Variants in STMN4 observed in about 807,000 individuals in gnomAD.
STMN4 encodes the protein stathmin-4.
A neutral mutation model predicts 29.1 loss-of-function variants in STMN4; 12 were observed. The observed-to-expected ratio is 0.41, with a 90% CI of 0.26 to 0.67. The LOEUF is 0.67. STMN4 is among the 30% of genes least tolerant of loss of function. The probability of loss-of-function intolerance (pLI) is 0.30; values close to 1 mark genes in which losing one functional copy is unlikely to be tolerated. For synonymous variants in STMN4, 114 were observed against 105.3 expected (o/e 1.08, Z -0.51); for missense variants, 181 against 262.8 (o/e 0.69, Z 2.15).
At chr8:27,243,896 G>T in intron 1 of STMN4, 95 bp from the exon 2 acceptor site, 1 of 1,165,470 alleles carries the variant, frequency 8.6e-7, no homozygotes, top group East Asian at 2.5e-5. Flanking sequence ...GAATCTCAGG[G>T]GTACCTCATT....
At chr8:27,247,191 G>C (rs1444151613) in intron 1 of STMN4, among the ~76,000 whole-genome samples, 1 of 150,398 alleles carries the variant, frequency 6.6e-6, no homozygotes, top group Non-Finnish European at 1.5e-5. Context: ...GCAGGCGAAG[G>C]TTGCAGTGAG....
intron 6 of STMN4, among the ~76,000 whole-genome samples, chr8:27,238,572 G>C (rs192414911): frequency 3.8e-4 from 58 of 152,310 alleles, no homozygotes; most frequent in Middle Eastern, 3.4e-3. Context: ...ACTGGGCAGA[G>C]CCCTAAGTTC....
intron 6 of STMN4, 189 bp downstream of exon 6, chr8:27,239,782 T>G: frequency 6.5e-7 from 1 of 1,529,178 alleles, no homozygotes; most frequent in South Asian, 1.2e-5. Context: ...CTGAGTCTGG[T>G]TCCTATTTCT....
chr8:27,246,758 A>C, intron 1 of STMN4, among the ~76,000 whole-genome samples: 1 of 152,194 alleles, frequency 6.6e-6, no homozygotes, highest in East Asian at 1.9e-4. Context: ...AGAGACAAGG[A>C]CAGATCCTCC....
intron 1 of STMN4, among the ~76,000 whole-genome samples, chr8:27,253,993 G>A (rs184539295): frequency 6.6e-6 from 1 of 152,232 alleles, no homozygotes; most frequent in East Asian, 1.9e-4. Context: ...ATATTGGCCA[G>A]GCTGGTCTTG....
At chr8:27,250,246 T>G (rs1048334880) in intron 1 of STMN4, among the ~76,000 whole-genome samples, 1 of 152,254 alleles carries the variant, frequency 6.6e-6, no homozygotes, top group African/African-American at 2.4e-5. Context: ...ACAGTGGCCC[T>G]GGTTATTTCA....
intron 1 of STMN4, among the ~76,000 whole-genome samples, chr8:27,254,512 G>T (rs1349531057): frequency 7.2e-5 from 11 of 152,198 alleles, no homozygotes; most frequent in Admixed American, 5.2e-4. Flanking sequence ...GGACCCTAGG[G>T]GAGTGGACAC....
chr8:27,248,265 C>T (rs560202315), intron 1 of STMN4, among the ~76,000 whole-genome samples: 1 of 152,148 alleles, frequency 6.6e-6, no homozygotes, highest in South Asian at 2.1e-4. Context: ...TGTGCCAAGC[C>T]CTCTGCTAGA....
chr8:27,255,930 C>G (rs1404857458), intron 1 of STMN4, among the ~76,000 whole-genome samples: 1 of 152,100 alleles, frequency 6.6e-6, no homozygotes. Flanking sequence ...ACTTCTCCGT[C>G]TTTGATAGGT....
Position 27,236,589 on chromosome 8 carries a change from G to C in STMN4, c.*257C>G. 2.7e-6 allele frequency: 1 copy of C among 367,862 alleles called. No individual in the cohort carries two copies. 22.8% of individuals were successfully genotyped at this position (367,862 alleles called of 1,614,324 possible). ...CCGGGCAGGGTTGCAATGTCCTTGAGTTCTTCTCCATCTCCCTTTCCCAAA... is the reference window on the plus strand; with the variant it reads ...CCGGGCAGGGTTGCAATGTCCTTGACTTCTTCTCCATCTCCCTTTCCCAAA... On this transcript the variant is annotated 3_prime_UTR_variant, in exon 7 of 7. Coordinates refer to ENST00000350889, the MANE Select transcript of STMN4 (RefSeq NM_030795.4).
intron 6 of STMN4, chr8:27,239,155 C>A: frequency 6.7e-7 from 1 of 1,492,326 alleles, no homozygotes; most frequent in South Asian, 1.3e-5. Context: ...CCAGATCCTT[C>A]TAGGACCTGT....
intron 1 of STMN4, among the ~76,000 whole-genome samples, chr8:27,249,980 C>T (rs1460504832): frequency 1.3e-5 from 2 of 152,154 alleles, no homozygotes; most frequent in African/African-American, 2.4e-5. Context: ...AGAGTTGTAC[C>T]TGGCAAGGGT....
rs940192048 is a variant in STMN4, at chr8:27,248,639, C to T, written c.-78-4838G>A. 3.9e-5 allele frequency among the ~76,000 whole-genome samples: 6 copies of T among 152,168 alleles called. No homozygotes were observed. In the East Asian group the frequency reaches 1.2e-3, roughly 29 times the overall value. ...CTACCATTCTTGGGCAGGAAAAGCA[C>T]GGCTGTTATCTCATTTTTCTATTAG... On this transcript the variant is annotated intron_variant, in intron 1 of 6. Transcript: ENST00000350889.
intron 6 of STMN4, among the ~76,000 whole-genome samples, chr8:27,238,209 A>G (rs1801364648): frequency 6.6e-6 from 1 of 152,132 alleles, no homozygotes; most frequent in Non-Finnish European, 1.5e-5. Context: ...AAGTATCTGT[A>G]TTTTTTAATT....
chr8:27,246,155 G>T (rs561524176), intron 1 of STMN4, among the ~76,000 whole-genome samples: 1 of 152,158 alleles, frequency 6.6e-6, no homozygotes, highest in African/African-American at 2.4e-5. Context: ...GGGGATATGA[G>T]TTAACTTTAA....
intron 1 of STMN4, among the ~76,000 whole-genome samples, chr8:27,244,155 C>A (rs1434897215): frequency 6.6e-6 from 1 of 152,188 alleles, no homozygotes; most frequent in Non-Finnish European, 1.5e-5. Flanking sequence ...GGGTGAGAAG[C>A]AAATCCTCCT....
intron 3 of STMN4, 112 bp downstream of exon 3, chr8:27,242,285 G>T: frequency 9.2e-7 from 1 of 1,087,768 alleles, no homozygotes; most frequent in Non-Finnish European, 1.4e-6. Flanking sequence ...CACTGGGAAG[G>T]AAACTGTCTC....
At chr8:27,255,581 A>G (rs768396703) in intron 1 of STMN4, among the ~76,000 whole-genome samples, 1 of 152,208 alleles carries the variant, frequency 6.6e-6, no homozygotes, top group Non-Finnish European at 1.5e-5. Context: ...ATATAGACAC[A>G]ATTCTCCTCC....
rs117681806 is a variant in STMN4 at position 27,241,159 on chromosome 8, G to C, written c.294C>G (p.Pro98=). ...TGAACTCGGGAACCCCATCAAAGGA[G>C]GGTGGCTTCAGGATGACTTCAAAGG... ...GQSFEVILKP[P]SFDGVPEFNA... Residue 98 remains proline, a synonymous_variant, in exon 5 of 7, where the codon CCC becomes CCG. Transcript: ENST00000350889. 4.4e-3 allele frequency: 7,025 copies of C among 1,614,262 alleles called. 21 individuals carry two copies. Among genetic ancestry groups the C allele is most frequent in the Non-Finnish European group, 5.2e-3 (6,156 of 1,180,050 alleles).
Sources: gnomAD v4.1 joint callset for allele counts (sites outside exome capture counted in the v4.1 genomes callset) on GRCh38, gnomAD v4.1.1 for gene constraint, MANE v1.5 for transcripts, NCBI Gene and HGNC (gene_info 2026-07-23, HGNC 2026-07-21) for gene names.